The following ALK variants were observed in gnomAD, a reference collection of about 807,000 sequenced individuals.
ALK encodes ALK receptor tyrosine kinase.
Under a neutral mutation model 163.1 loss-of-function variants are expected in ALK, and 74 were observed. The observed-to-expected ratio is 0.45, with a 90% confidence interval of 0.38 to 0.55. The LOEUF (loss-of-function observed/expected upper bound fraction) is 0.55. Among genes scored for constraint, ALK ranks in the 20% least tolerant of loss-of-function variants. The probability of loss-of-function intolerance (pLI) is 0.00; values close to 1 mark genes in which losing one functional copy is unlikely to be tolerated. For synonymous variants in ALK, 960 were observed against 843.2 expected (o/e 1.14, Z -2.40); for missense variants, 2,063 against 2,105.3 (o/e 0.98, Z 0.39).
intron 1 of ALK, among the ~76,000 whole-genome samples, chr2:29,783,052 C>A (rs1302108426): frequency 3.3e-5 from 5 of 152,220 alleles, no homozygotes; most frequent in Non-Finnish European, 5.9e-5. Context: ...TCAAAGAAAT[C>A]TGAGCCAGTG....
chr2:29,806,406 C>T (rs183130928), intron 1 of ALK, among the ~76,000 whole-genome samples: 162 of 152,198 alleles, frequency 1.1e-3, no homozygotes, highest in Middle Eastern at 3.4e-3. Context: ...AAAATGAGAT[C>T]GAAATCTAGG....
At chr2:29,259,565 G>C (rs965615200) in intron 11 of ALK, among the ~76,000 whole-genome samples, 42 of 151,992 alleles carry the variant, frequency 2.8e-4, no homozygotes, top group Admixed American at 1.0e-3. Context: ...TCTTAAAGAT[G>C]CTACTCATTT....
At chr2:29,514,608 G>A (rs1485425589) in intron 4 of ALK, among the ~76,000 whole-genome samples, 1 of 152,090 alleles carries the variant, frequency 6.6e-6, no homozygotes, top group Admixed American at 6.5e-5. Flanking sequence ...ATGTTTATAA[G>A]TTTCAAAAAA....
chr2:29,711,684 A>G (rs911973431), intron 2 of ALK, among the ~76,000 whole-genome samples: 1 of 152,130 alleles, frequency 6.6e-6, no homozygotes, highest in Non-Finnish European at 1.5e-5. Context: ...AGCACTAAGG[A>G]GCCACCTGCC....
chr2:29,257,317 A>G (rs1351733241), intron 11 of ALK, among the ~76,000 whole-genome samples: 4 of 152,236 alleles, frequency 2.6e-5, no homozygotes, highest in African/African-American at 9.6e-5. Flanking sequence ...ACTCATTCAT[A>G]TCTAAACTGT....
At chr2:29,876,382 T>C (rs1034746722) in intron 1 of ALK, among the ~76,000 whole-genome samples, 3 of 151,128 alleles carry the variant, frequency 2.0e-5, no homozygotes, top group African/African-American at 7.3e-5. Context: ...GTGATAGTGA[T>C]AATGATGATG....
At chr2:29,780,248 G>A (rs2148350069) in intron 1 of ALK, among the ~76,000 whole-genome samples, 1 of 152,242 alleles carries the variant, frequency 6.6e-6, no homozygotes, top group East Asian at 1.9e-4. Flanking sequence ...CGAGCACAGA[G>A]CCCTCCTGTC....
At chr2:29,622,350 A>G (rs1443025871) in intron 3 of ALK, among the ~76,000 whole-genome samples, 1 of 152,176 alleles carries the variant, frequency 6.6e-6, no homozygotes, top group Non-Finnish European at 1.5e-5. Flanking sequence ...CAGAATCATA[A>G]TGGGAGGCAA....
chr2:29,547,059 C>T (rs1231339299), intron 3 of ALK, among the ~76,000 whole-genome samples: 2 of 152,200 alleles, frequency 1.3e-5, no homozygotes, highest in African/African-American at 2.4e-5. Flanking sequence ...CTTCATTTTT[C>T]GGAAGAGTCA....
intron 3 of ALK, among the ~76,000 whole-genome samples, chr2:29,665,336 C>T (rs190287114): frequency 1.3e-3 from 205 of 152,086 alleles, no homozygotes; most frequent in African/African-American, 4.7e-3. Flanking sequence ...CTCCTAACCT[C>T]CCGCTTTTCC....
chr2:29,337,341 C>T (rs1055136154), intron 5 of ALK, among the ~76,000 whole-genome samples: 9 of 152,090 alleles, frequency 5.9e-5, no homozygotes, highest in African/African-American at 1.2e-4. Flanking sequence ...ATCATGATTC[C>T]GGGAAGTGGG....
intron 1 of ALK, among the ~76,000 whole-genome samples, chr2:29,765,430 C>T (rs1256153437): frequency 6.6e-6 from 1 of 152,158 alleles, no homozygotes; most frequent in Non-Finnish European, 1.5e-5. Context: ...TCCCATCCCT[C>T]ATCATGATGC....
At chr2:29,322,491 C>A (rs924152420) in intron 6 of ALK, among the ~76,000 whole-genome samples, 1 of 152,256 alleles carries the variant, frequency 6.6e-6, no homozygotes, top group African/African-American at 2.4e-5. Flanking sequence ...CAGAAACCAA[C>A]TGGTGGAAGT....
intron 4 of ALK, among the ~76,000 whole-genome samples, chr2:29,513,607 A>G (rs1367097307): frequency 2.0e-5 from 3 of 152,012 alleles, no homozygotes; most frequent in African/African-American, 4.8e-5. Context: ...TTCATGTCTA[A>G]AACACCAAAA....
At chr2:29,844,867 ACACACACACACACACACACACAGAGG>A (rs1665799336) in intron 1 of ALK, among the ~76,000 whole-genome samples, 1 of 47,394 alleles carries the variant, frequency 2.1e-5, no homozygotes, top group Non-Finnish European at 5.6e-5. Context: ...CTGCACACAC[ACACACACACACACACACACACAGAGG>A]CACACACACA....
intron 3 of ALK, among the ~76,000 whole-genome samples, chr2:29,601,331 G>A (rs1004506503): frequency 1.3e-5 from 2 of 152,144 alleles, no homozygotes; most frequent in African/African-American, 4.8e-5. Context: ...CTTGATTCTG[G>A]TGCCTCGGTT....
intron 1 of ALK, among the ~76,000 whole-genome samples, chr2:29,852,124 G>A (rs898964937): frequency 6.6e-6 from 1 of 152,184 alleles, no homozygotes; most frequent in Non-Finnish European, 1.5e-5. Context: ...AATAAGAAAC[G>A]AAGCCCCTAT....
chr2:29,617,709 G>T (rs1675891410), intron 3 of ALK, among the ~76,000 whole-genome samples: 1 of 152,158 alleles, frequency 6.6e-6, no homozygotes, highest in African/African-American at 2.4e-5. Context: ...TGTCCTTGCT[G>T]TATCGGGAGC....
chr2:29,594,147 TA>T (rs1675137235), intron 3 of ALK, among the ~76,000 whole-genome samples: 1 of 152,206 alleles, frequency 6.6e-6, no homozygotes, highest in South Asian at 2.1e-4. Context: ...TCAACAGTAG[TA>T]ATGTTGAAAA....
Sources: allele counts gnomAD v4.1 joint callset (sites outside exome capture counted in the v4.1 genomes callset), GRCh38; gene constraint gnomAD v4.1.1; transcripts MANE v1.5; gene names NCBI Gene and HGNC (gene_info 2026-07-23, HGNC 2026-07-21).